CADM2: variants seen among roughly 807,000 people sequenced by gnomAD.
CADM2 encodes the protein cell adhesion molecule 2, also known as immunoglobulin superfamily member 4D.
CADM2 carries 12 observed loss-of-function variants against 49.8 expected under a neutral mutation model. The observed-to-expected ratio is 0.24, with a 90% CI of 0.15 to 0.39. The LOEUF is 0.39. Ranked by LOEUF, CADM2 falls within the 10% of genes least tolerant of loss-of-function variation. CADM2 has a pLI of 1.00. For missense variants in CADM2, 378 were observed against 492.3 expected, an observed-to-expected ratio of 0.77 and a Z score of 2.20; for synonymous variants, 214 against 175.4, an observed-to-expected ratio of 1.22 and a Z score of -1.74.
At chr3:85,032,517 G>A (rs770820867) in intron 1 of CADM2, among the ~76,000 whole-genome samples, 62 of 152,232 alleles carry the variant, frequency 4.1e-4, no homozygotes, top group Non-Finnish European at 6.8e-4. Flanking sequence ...ATCTACCACA[G>A]TATAATAATT....
intron 3 of CADM2, among the ~76,000 whole-genome samples, chr3:85,809,747 T>TCTCC (rs1333530301): frequency 5.1e-5 from 5 of 97,892 alleles, no homozygotes; most frequent in South Asian, 4.3e-4. Flanking sequence ...CTCCCTCCTC[T>TCTCC]CTCCCTCCCT....
rs577958898 is a variant in CADM2, at chr3:85,176,014, C to T, written c.61+216346C>T. ...CGGGATCTCGGCTCACTGCAAGCTCCGCCTCCCGGGTTCACGCCATTCTCC... is the reference window on the plus strand; with the variant it reads ...CGGGATCTCGGCTCACTGCAAGCTCTGCCTCCCGGGTTCACGCCATTCTCC... On this transcript the variant is annotated intron_variant, in intron 1 of 9. Transcript: ENST00000383699. Among the ~76,000 whole-genome samples, 903 of 148,532 alleles carry T rather than the reference C, an allele frequency of 6.1e-3. 3 individuals carry two copies. Among genetic ancestry groups the T allele is most frequent in the Non-Finnish European group, 0.011 (723 of 67,484 alleles).
intron 1 of CADM2, among the ~76,000 whole-genome samples, chr3:85,202,564 G>T (rs1420283579): frequency 2.0e-5 from 3 of 152,090 alleles, no homozygotes; most frequent in East Asian, 1.9e-4. Context: ...GCTGTCATAT[G>T]GGCTTTTTGT....
chr3:85,683,037 A>G (rs139880869), intron 1 of CADM2, among the ~76,000 whole-genome samples: 339 of 152,274 alleles, frequency 2.2e-3, no homozygotes, highest in African/African-American at 7.2e-3. Context: ...TTATTTCACA[A>G]AAGCTTCAGG....
intron 2 of CADM2, among the ~76,000 whole-genome samples, chr3:85,728,254 C>A (rs986155602): frequency 1.3e-5 from 2 of 152,112 alleles, no homozygotes; most frequent in African/African-American, 4.8e-5. Context: ...GCCTTCCACA[C>A]TTCCATCCCC....
chr3:85,928,408 C>A (rs1029922003), intron 6 of CADM2, among the ~76,000 whole-genome samples: 1 of 152,092 alleles, frequency 6.6e-6, no homozygotes, highest in Non-Finnish European at 1.5e-5. Flanking sequence ...CCGTCCACCT[C>A]GGCCTCCGAA....
intron 1 of CADM2, among the ~76,000 whole-genome samples, chr3:85,648,905 TCTC>T (rs922341390): frequency 1.3e-5 from 2 of 152,050 alleles, no homozygotes; most frequent in Admixed American, 6.5e-5. Flanking sequence ...TCAAAATACT[TCTC>T]CTTTTTTTTC....
chr3:85,929,791 C>A (rs773710738), intron 6 of CADM2, among the ~76,000 whole-genome samples: 1 of 151,928 alleles, frequency 6.6e-6, no homozygotes, highest in African/African-American at 2.4e-5. Flanking sequence ...TAGTTCTAAA[C>A]GCATTTACAA....
At chr3:85,369,597 A>G (rs1374856405) in intron 1 of CADM2, among the ~76,000 whole-genome samples, 2 of 152,194 alleles carry the variant, frequency 1.3e-5, no homozygotes, top group African/African-American at 2.4e-5. Context: ...TGGAGAACCC[A>G]TCCCTCCTGT....
chr3:85,435,322 C>A (rs531902364), intron 1 of CADM2, among the ~76,000 whole-genome samples: 1 of 152,100 alleles, frequency 6.6e-6, no homozygotes, highest in Non-Finnish European at 1.5e-5. Context: ...CCAGCTTCAT[C>A]CAGGTGCCTG....
intron 1 of CADM2, among the ~76,000 whole-genome samples, chr3:84,982,702 C>CATATATAT (rs71104999): frequency 0.056 from 4,281 of 75,834 alleles, 231 homozygotes; most frequent in African/African-American, 0.065. Flanking sequence ...AACTATAAAG[C>CATATATAT]ATATATATAT....
chr3:85,363,812 C>T (rs1041268161), intron 1 of CADM2, among the ~76,000 whole-genome samples: 47 of 151,834 alleles, frequency 3.1e-4, no homozygotes, highest in Admixed American at 2.6e-3. Flanking sequence ...GATGTTTCAC[C>T]GTGTTAGCCA....
At chr3:84,962,778 CTCTT>C (rs1483690243) in intron 1 of CADM2, among the ~76,000 whole-genome samples, 3 of 152,066 alleles carry the variant, frequency 2.0e-5, no homozygotes, top group Non-Finnish European at 2.9e-5. Context: ...TATTACTATT[CTCTT>C]TCTTTCAGTA....
chr3:85,686,095 A>G (rs1330363033), intron 1 of CADM2, among the ~76,000 whole-genome samples: 1 of 152,208 alleles, frequency 6.6e-6, no homozygotes, highest in Non-Finnish European at 1.5e-5. Flanking sequence ...TTGATACATG[A>G]TGTATACAGG....
At chr3:85,888,885 G>C (rs2108409591) in intron 5 of CADM2, among the ~76,000 whole-genome samples, 1 of 152,084 alleles carries the variant, frequency 6.6e-6, no homozygotes. Flanking sequence ...TGTCTTTTTA[G>C]GGATAAAAGT....
intron 1 of CADM2, among the ~76,000 whole-genome samples, chr3:85,068,848 A>G (rs2036621666): frequency 6.6e-6 from 1 of 151,928 alleles, no homozygotes; most frequent in African/African-American, 2.4e-5. Flanking sequence ...GGAGATACTA[A>G]CTTAGTATAC....
chr3:85,457,865 A>C (rs1224635397), intron 1 of CADM2, among the ~76,000 whole-genome samples: 3 of 152,190 alleles, frequency 2.0e-5, no homozygotes, highest in African/African-American at 7.2e-5. Flanking sequence ...TTAGGTGTTC[A>C]GATGTAACAC....
intron 1 of CADM2, among the ~76,000 whole-genome samples, chr3:85,182,522 G>A (rs2040961700): frequency 6.6e-6 from 1 of 152,056 alleles, no homozygotes; most frequent in African/African-American, 2.4e-5. Flanking sequence ...ACCTTCAAAA[G>A]TGTTGATGAC....
chr3:85,110,813 G>A (rs72905237), intron 1 of CADM2, among the ~76,000 whole-genome samples: 16,122 of 151,740 alleles, frequency 0.11, 1,789 homozygotes, highest in African/African-American at 0.28. Flanking sequence ...AAGGAAGGCC[G>A]AGGAAGAAGG....
Sources: gnomAD v4.1 joint callset for allele counts (sites outside exome capture counted in the v4.1 genomes callset) on GRCh38, gnomAD v4.1.1 for gene constraint, MANE v1.5 for transcripts, NCBI Gene and HGNC (gene_info 2026-07-23, HGNC 2026-07-21) for gene names.